COPG2: variants seen among roughly 807,000 people sequenced by gnomAD.
The protein encoded by COPG2 is coat protein complex I subunit gamma 2, also known as coatomer subunit gamma-2.
COPG2 carries 37 observed loss-of-function variants against 46.3 expected under a neutral mutation model. That is an observed-to-expected ratio of 0.80 (90% CI 0.61 to 1.05). COPG2 has a LOEUF of 1.05. Among genes scored for constraint, COPG2 ranks in the 50% least tolerant of loss-of-function variants. COPG2 has a pLI of 0.00. For synonymous variants in COPG2, 159 were observed against 129.7 expected (o/e 1.23, Z -1.53); for missense variants, 427 against 387.8 (o/e 1.10, Z -0.85).
intron 20 of COPG2, among the ~76,000 whole-genome samples, chr7:130,510,620 G>A (rs1799579483): frequency 6.6e-6 from 1 of 152,170 alleles, no homozygotes; most frequent in African/African-American, 2.4e-5. Context: ...TTATGTGGAG[G>A]TAAAGACAGA....
At chr7:130,608,152 C>T in intron 9 of COPG2, 1 of 414,084 alleles carries the variant, frequency 2.4e-6, no homozygotes. Context: ...AATATTCATC[C>T]TCAAGAGATT....
chr7:130,594,280 G>C (rs1393313651), intron 9 of COPG2, among the ~76,000 whole-genome samples: 1 of 152,062 alleles, frequency 6.6e-6, no homozygotes, highest in Non-Finnish European at 1.5e-5. Context: ...CGTTTTTCAT[G>C]AAACGGTGCT....
chr7:130,644,920 G>T (rs1554457889), intron 5 of COPG2, among the ~76,000 whole-genome samples: 1 of 151,922 alleles, frequency 6.6e-6, no homozygotes, highest in Non-Finnish European at 1.5e-5. Context: ...AAATTAGCCG[G>T]GTGTGGTGGC....
intron 5 of COPG2, among the ~76,000 whole-genome samples, chr7:130,617,376 T>A (rs1231167932): frequency 6.6e-6 from 1 of 152,242 alleles, no homozygotes; most frequent in Admixed American, 6.5e-5. Context: ...TAGATACTGA[T>A]AATTAGCATA....
chr7:130,541,047 C>CG (rs1799930757), intron 20 of COPG2, among the ~76,000 whole-genome samples: 1 of 152,096 alleles, frequency 6.6e-6, no homozygotes, highest in Non-Finnish European at 1.5e-5. Flanking sequence ...GATGGAGAGC[C>CG]GGGCAGACAC....
intron 6 of COPG2, among the ~76,000 whole-genome samples, chr7:130,614,676 T>C (rs1794915618): frequency 2.0e-5 from 3 of 152,168 alleles, no homozygotes; most frequent in African/African-American, 7.2e-5. Flanking sequence ...CTCTTAAATG[T>C]TTCAATAAGA....
chr7:130,622,750 T>C (rs372953529), intron 5 of COPG2, among the ~76,000 whole-genome samples: 159 of 152,288 alleles, frequency 1.0e-3, no homozygotes, highest in African/African-American at 3.6e-3. Flanking sequence ...ACTTCTCCAA[T>C]AGTTGACTCA....
At chr7:130,566,264 T>A (rs1793801733) in intron 9 of COPG2, among the ~76,000 whole-genome samples, 1 of 152,228 alleles carries the variant, frequency 6.6e-6, no homozygotes, top group Admixed American at 6.5e-5. Flanking sequence ...TTTTTTCATA[T>A]GCTTGGTACC....
Position 130,668,685 on chromosome 7 carries a change from G to A in COPG2, c.-17C>T, listed in dbSNP as rs570273372. ...TTTAATCATCTTGGACGACTTCCCA[G>A]CGCCCAGACCCACCGCAACCGTCCC... On this transcript the variant is annotated 5_prime_UTR_variant, in exon 1 of 24. Transcript: ENST00000425248. 1.3e-5 allele frequency: 20 copies of A among 1,531,992 alleles called. No individual in the cohort carries two copies. The highest frequency in any genetic ancestry group is 1.7e-4 in the Middle Eastern group (1 of 5,912). 94.9% of individuals were successfully genotyped at this position (1,531,992 alleles called of 1,614,324 possible). A position where few individuals can be genotyped will look rare whatever the true frequency, so the allele number is the denominator to read the frequency against.
At chr7:130,523,852 G>T (rs1014157423) in intron 20 of COPG2, among the ~76,000 whole-genome samples, 206 of 152,184 alleles carry the variant, frequency 1.4e-3, no homozygotes, top group Middle Eastern at 3.4e-3. Context: ...AAGGAGGGAG[G>T]AGGCAGGAGG....
chr7:130,631,350 G>C (rs1198977777), intron 5 of COPG2, among the ~76,000 whole-genome samples: 3 of 151,878 alleles, frequency 2.0e-5, no homozygotes, highest in African/African-American at 7.3e-5. Flanking sequence ...TAGAGATGGG[G>C]TTTCGCCATG....
intron 9 of COPG2, among the ~76,000 whole-genome samples, chr7:130,568,961 TGTCAG>T (rs1306755359): frequency 1.3e-5 from 2 of 152,188 alleles, no homozygotes; most frequent in African/African-American, 2.4e-5. Context: ...CCTGAATGAT[TGTCAG>T]GTCATCAATG....
At chr7:130,646,971 GTATATATATATGTATA>G (rs1795613512) in intron 5 of COPG2, among the ~76,000 whole-genome samples, 1 of 15,888 alleles carries the variant, frequency 6.3e-5, no homozygotes, top group African/African-American at 9.9e-5. Flanking sequence ...ATATATATGT[GTATATATATATGTATA>G]TATATATATG....
At chr7:130,531,173 A>G (rs1411312029) in intron 20 of COPG2, among the ~76,000 whole-genome samples, 1 of 23,028 alleles carries the variant, frequency 4.3e-5, no homozygotes, top group Non-Finnish European at 8.1e-5. Flanking sequence ...GGGCATGGGG[A>G]GAGGGAATCA....
At chr7:130,528,161 A>C (rs1278759041) in intron 20 of COPG2, among the ~76,000 whole-genome samples, 3 of 151,872 alleles carry the variant, frequency 2.0e-5, no homozygotes, top group African/African-American at 7.3e-5. Context: ...AGTCAGGTTG[A>C]GACTGGGTGC....
chr7:130,613,890 T>C (rs552932229), intron 6 of COPG2, among the ~76,000 whole-genome samples: 1 of 152,254 alleles, frequency 6.6e-6, no homozygotes, highest in Non-Finnish European at 1.5e-5. Context: ...AAATAAACTG[T>C]CTCAAAATGG....
chr7:130,635,825 T>C (rs1243036779), intron 5 of COPG2, among the ~76,000 whole-genome samples: 1 of 151,972 alleles, frequency 6.6e-6, no homozygotes, highest in Non-Finnish European at 1.5e-5. Flanking sequence ...TTTCCTGCTT[T>C]CTCCTGTGGG....
At chr7:130,649,100 C>CA (rs1795680131) in intron 5 of COPG2, among the ~76,000 whole-genome samples, 10 of 152,256 alleles carry the variant, frequency 6.6e-5, no homozygotes, top group Admixed American at 4.6e-4. Context: ...CTAGATAATC[C>CA]CATCTCTATT....
At chr7:130,541,105 T>A (rs1799931784) in intron 20 of COPG2, among the ~76,000 whole-genome samples, 1 of 152,020 alleles carries the variant, frequency 6.6e-6, no homozygotes, top group Non-Finnish European at 1.5e-5. Context: ...GATGGAGGCA[T>A]CAGGGTCAAG....
Sources: gnomAD v4.1 joint callset for allele counts (sites outside exome capture counted in the v4.1 genomes callset) on GRCh38, gnomAD v4.1.1 for gene constraint, MANE v1.5 for transcripts, NCBI Gene and HGNC (gene_info 2026-07-23, HGNC 2026-07-21) for gene names.